CAAP1: variants seen among roughly 807,000 people sequenced by gnomAD.
CAAP1 encodes conserved anti-apoptotic protein.
A neutral mutation model predicts 34.0 loss-of-function variants in CAAP1; 20 were observed. That is an observed-to-expected ratio of 0.59 (90% CI 0.41 to 0.86). CAAP1 has a LOEUF of 0.86. Among genes scored for constraint, CAAP1 ranks in the 40% least tolerant of loss-of-function variants. The pLI is 0.00. For synonymous variants in CAAP1, 213 were observed against 166.7 expected, an observed-to-expected ratio of 1.28 and a Z score of -2.14; for missense variants, 538 against 450.5, an observed-to-expected ratio of 1.19 and a Z score of -1.76.
At chr9:26,876,529 T>C (rs1295851141) in intron 4 of CAAP1, among the ~76,000 whole-genome samples, 2 of 151,292 alleles carry the variant, frequency 1.3e-5, no homozygotes, top group African/African-American at 2.4e-5. Flanking sequence ...TGGTCATGCT[T>C]CTGTATTGGT....
intron 5 of CAAP1, among the ~76,000 whole-genome samples, chr9:26,851,774 A>G (rs1822758318): frequency 6.6e-6 from 1 of 152,226 alleles, no homozygotes; most frequent in Admixed American, 6.5e-5. Context: ...TCAATTTCCA[A>G]GCATCGGAGT....
chr9:26,862,295 A>C (rs1823019785), intron 4 of CAAP1, among the ~76,000 whole-genome samples: 1 of 152,166 alleles, frequency 6.6e-6, no homozygotes, highest in Non-Finnish European at 1.5e-5. Flanking sequence ...CTTCCAGTCA[A>C]ATTAGATTTT....
At chr9:26,869,186 T>A (rs1457836589) in intron 4 of CAAP1, among the ~76,000 whole-genome samples, 4 of 151,636 alleles carry the variant, frequency 2.6e-5, no homozygotes. Context: ...ATTTTCATAA[T>A]AAAAAGTAAA....
Position 26,850,481 on chromosome 9 carries a change from A to G in CAAP1, c.740-7834T>C, listed in dbSNP as rs868611198. Among the ~76,000 whole-genome samples, 3 of 152,212 alleles carry G rather than the reference A, an allele frequency of 2.0e-5. No homozygotes were observed. The South Asian group carries it at 6.2e-4, about 32-fold the overall frequency. ...GATAGGGAAAACCCCATAATTCCCC[A>G]ATACCAAAAACAAGAGTAAATTATC... On this transcript the variant is annotated intron_variant, in intron 5 of 5. Coordinates refer to ENST00000333916, the MANE Select transcript of CAAP1 (RefSeq NM_024828.4).
At position 26,864,985 on chromosome 9, in the gene CAAP1, T is replaced by C. The variant is rs192291540; in HGVS notation, c.666-3846A>G. Among the ~76,000 whole-genome samples the C allele has an allele frequency of 3.4e-3, 520 of 152,258 alleles. 3 individuals carry two copies. The highest frequency in any genetic ancestry group is 0.012 in the African/African-American group (500 of 41,540). ...CAATTTACAAAGGATATGAGAACAT[T>C]AAGTGGTGTCCAGATAACCAATTTA... On this transcript the variant is annotated intron_variant, in intron 4 of 5. Coordinates refer to ENST00000333916, the MANE Select transcript of CAAP1 (RefSeq NM_024828.4).
intron 5 of CAAP1, among the ~76,000 whole-genome samples, chr9:26,843,040 T>C (rs548007843): frequency 3.3e-5 from 5 of 152,262 alleles, no homozygotes; most frequent in Non-Finnish European, 7.3e-5. Context: ...GCAGTAAAAT[T>C]TCATTCTAGA....
chr9:26,847,466 G>A (rs1214410990), intron 5 of CAAP1, among the ~76,000 whole-genome samples: 2 of 150,788 alleles, frequency 1.3e-5, no homozygotes, highest in East Asian at 2.0e-4. Flanking sequence ...CGCCCGTCTC[G>A]GCCTCCCAAA....
intron 5 of CAAP1, among the ~76,000 whole-genome samples, chr9:26,847,644 T>C (rs907634755): frequency 6.6e-6 from 1 of 152,204 alleles, no homozygotes; most frequent in Non-Finnish European, 1.5e-5. Flanking sequence ...TTTGCCCATG[T>C]TTTTGTTTCT....
chr9:26,842,297 A>T lies in CAAP1; in HGVS notation c.*4T>A. The T allele has an allele frequency of 6.5e-7, 1 of 1,543,604 alleles. No homozygotes were observed. Among genetic ancestry groups the T allele is most frequent in the Non-Finnish European group, 8.7e-7 (1 of 1,148,780 alleles). On this transcript the variant is annotated 3_prime_UTR_variant, in exon 6 of 6. Coordinates refer to ENST00000333916, the MANE Select transcript of CAAP1 (RefSeq NM_024828.4). ...TACCTAAAATTCAAAATCAAGTTAAATACCTAGGCTGGCTTTTTTATATCA... is the reference window on the plus strand; with the variant it reads ...TACCTAAAATTCAAAATCAAGTTAATTACCTAGGCTGGCTTTTTTATATCA...
intron 5 of CAAP1, among the ~76,000 whole-genome samples, chr9:26,857,970 T>C (rs958060315): frequency 2.0e-5 from 3 of 152,264 alleles, no homozygotes; most frequent in South Asian, 2.1e-4. Context: ...ATACTGATAA[T>C]GTAATTTAAA....
At chr9:26,882,447 A>C (rs1395691481) in intron 4 of CAAP1, among the ~76,000 whole-genome samples, 1 of 152,218 alleles carries the variant, frequency 6.6e-6, no homozygotes, top group African/African-American at 2.4e-5. Flanking sequence ...GTTGCATAGA[A>C]GTCAAGAACT....
intron 5 of CAAP1, among the ~76,000 whole-genome samples, chr9:26,846,415 C>CAAAAAAAAA (rs761402354): frequency 4.9e-5 from 3 of 61,752 alleles, no homozygotes; most frequent in African/African-American, 5.6e-5. Flanking sequence ...GACTCTGTCT[C>CAAAAAAAAA]AAAAAAAAAA....
At position 26,886,182 on chromosome 9, in the gene CAAP1, A is replaced by T. The variant is rs778332464; in HGVS notation, c.511T>A (p.Ser171Thr). Residue 171 changes from serine to threonine, a missense_variant, in exon 3 of 6, where the codon TCA becomes ACA. Ser to Thr is a moderately conservative substitution (Grantham distance 58). Transcript: ENST00000333916. ...CATAGTTTTTTAATTTCTTCTATTGAACAGTTCTAAAGGAAATGACATTTT... is the reference window on the plus strand; with the variant it reads ...CATAGTTTTTTAATTTCTTCTATTGTACAGTTCTAAAGGAAATGACATTTT... ...KMLPDVLKNC[S>T]IEEIKKLCQE... 6.5e-7 allele frequency: 1 copy of T among 1,536,230 alleles called. No individual in the cohort carries two copies. Among genetic ancestry groups the T allele is most frequent in the South Asian group, 1.3e-5 (1 of 75,818 alleles).
intron 5 of CAAP1, among the ~76,000 whole-genome samples, chr9:26,845,734 G>T (rs537222648): frequency 4.6e-5 from 7 of 152,228 alleles, no homozygotes; most frequent in African/African-American, 1.7e-4. Flanking sequence ...ATTGCACCCT[G>T]TTTTATGGCT....
intron 5 of CAAP1, among the ~76,000 whole-genome samples, chr9:26,848,472 C>T (rs1301603123): frequency 6.6e-6 from 1 of 152,112 alleles, no homozygotes; most frequent in South Asian, 2.1e-4. Context: ...GCCAAGATTA[C>T]ACCACTGCAC....
chr9:26,852,534 T>C lies in CAAP1; in HGVS notation c.739+8532A>G, dbSNP rs187506072. 2.6e-5 allele frequency among the ~76,000 whole-genome samples: 4 copies of C among 152,184 alleles called. No individual in the cohort carries two copies. The East Asian group carries it at 7.8e-4, about 30-fold the overall frequency. ...GTAGGTTAGGGAAGGGAAGGCTTCA[T>C]AGATAATGGAGATAATCTTAAAAAC... On this transcript the variant is annotated intron_variant, in intron 5 of 5. Transcript: ENST00000333916.
intron 4 of CAAP1, among the ~76,000 whole-genome samples, chr9:26,867,121 G>A (rs1162590169): frequency 6.6e-6 from 1 of 152,156 alleles, no homozygotes; most frequent in African/African-American, 2.4e-5. Flanking sequence ...ATAATCTGAG[G>A]TGGAACAGTT....
chr9:26,849,712 A>C (rs548621511), intron 5 of CAAP1, among the ~76,000 whole-genome samples: 64 of 152,306 alleles, frequency 4.2e-4, no homozygotes, highest in Non-Finnish European at 2.6e-4. Flanking sequence ...TTTTTTAAAA[A>C]GCTTAAATTA....
At position 26,841,975 on chromosome 9, in the gene CAAP1, C is replaced by G. The variant is rs1207163523; in HGVS notation, c.*326G>C. ...ATCTTTTGCTTTTAGGTTTGGTGCC[C>G]AAACATTTAAAAATAAAGAAAAAAA... On this transcript the variant is annotated 3_prime_UTR_variant, in exon 6 of 6. Coordinates refer to ENST00000333916, the MANE Select transcript of CAAP1 (RefSeq NM_024828.4). 5.5e-6 allele frequency: 1 copy of G among 181,174 alleles called. No individual in the cohort carries two copies. The highest frequency in any genetic ancestry group is 1.1e-5 in the Non-Finnish European group (1 of 88,240). The allele number at this position is 181,174 out of a possible 1,614,324, so 11.2% of individuals were successfully genotyped here.
Sources: allele counts gnomAD v4.1 joint callset (sites outside exome capture counted in the v4.1 genomes callset), GRCh38; gene constraint gnomAD v4.1.1; transcripts MANE v1.5; gene names NCBI Gene and HGNC (gene_info 2026-07-23, HGNC 2026-07-21).